Variants in SIAH2 observed in about 807,000 individuals in gnomAD.
SIAH2 encodes the protein siah E3 ubiquitin protein ligase 2, also known as E3 ubiquitin-protein ligase SIAH2.
Under a neutral mutation model 20.4 loss-of-function variants are expected in SIAH2, and 4 were observed. The observed-to-expected ratio is 0.20, with a 90% confidence interval of 0.10 to 0.45. The LOEUF is 0.45. Ranked by LOEUF, SIAH2 falls within the 20% of genes least tolerant of loss-of-function variation. The probability of loss-of-function intolerance (pLI) is 0.99; values close to 1 mark genes in which losing one functional copy is unlikely to be tolerated. For synonymous variants in SIAH2, 171 were observed against 192.5 expected (o/e 0.89, Z 0.93); for missense variants, 259 against 440.3 (o/e 0.59, Z 3.69).
intron 1 of SIAH2, among the ~76,000 whole-genome samples, chr3:150,756,772 A>T (rs1714494222): frequency 6.6e-6 from 1 of 152,220 alleles, no homozygotes; most frequent in Admixed American, 6.5e-5. Context: ...AAGGTGTATT[A>T]TCAATTTTGT....
At chr3:150,757,899 A>G (rs1339689259) in intron 1 of SIAH2, among the ~76,000 whole-genome samples, 1 of 151,970 alleles carries the variant, frequency 6.6e-6, no homozygotes, top group African/African-American at 2.4e-5. Context: ...CACATCCCCA[A>G]CCCCACCAAT....
chr3:150,742,264 A>T lies in SIAH2; in HGVS notation c.852T>A (p.His284Gln). The T allele has an allele frequency of 6.2e-7, 1 of 1,614,210 alleles. No homozygotes were observed. The highest frequency in any genetic ancestry group is 1.1e-5 in the South Asian group (1 of 91,080). ...LTWEATPRSI[H>Q]DGVAAAIMNS... is the part of the protein sequence containing the mutation. The stretch of plus-strand genomic sequence containing the variant: ...TCATGATGGCCGCAGCCACACCGTC[A>T]TGAATCGAACGGGGCGTGGCCTCCC... The change falls in exon 2 of 2, where the codon CAT becomes CAA. Residue 284 changes from histidine (H) to glutamine (Q), a missense_variant. Coordinates refer to ENST00000312960, the MANE Select transcript of SIAH2 (RefSeq NM_005067.7). The surrounding 1 kb of genome is among the most constrained non-coding windows in gnomAD (Gnocchi z 4.8).
rs540885589 is a variant in SIAH2 at position 150,762,714 on chromosome 3, A to T, written c.136T>A (p.Ser46Thr). Reference sequence around the variant, plus strand: ...ACCGCCGCCGCGGCGGGCACCGCGGACGAGCCGGGGCCCGCAGCCGAGATG... The same window carrying T: ...ACCGCCGCCGCGGCGGGCACCGCGGTCGAGCCGGGGCCCGCAGCCGAGATG... ...ATISAAGPGS[S>T]AVPAAAAVIS... Residue 46 changes from serine (S) to threonine (T), a missense_variant, in exon 1 of 2, where the codon TCC becomes ACC. By Grantham distance (58) the Ser-to-Thr change is moderately conservative. Around this residue, in one of 2 missense-constraint regions of SIAH2, gnomAD observed 99 missense variants for 112.7 expected, o/e 0.88. Transcript: ENST00000312960. The surrounding 1 kb of genome is among the most constrained non-coding windows in gnomAD (Gnocchi z 6.6). The T allele has an allele frequency of 2.5e-6, 3 of 1,219,780 alleles. No individual in the cohort carries two copies. In the South Asian group the frequency reaches 1.1e-4, roughly 46 times the overall value. The allele number at this position is 1,219,780 out of a possible 1,614,324, so 75.6% of individuals were successfully genotyped here.
At chr3:150,756,202 T>C (rs1244332326) in intron 1 of SIAH2, among the ~76,000 whole-genome samples, 1 of 152,234 alleles carries the variant, frequency 6.6e-6, no homozygotes, top group Non-Finnish European at 1.5e-5. Context: ...TCAGGAAGAC[T>C]TTCTTATTTT....
At chr3:150,745,730 C>T (rs376512649) in intron 1 of SIAH2, among the ~76,000 whole-genome samples, 1 of 152,068 alleles carries the variant, frequency 6.6e-6, no homozygotes, top group East Asian at 1.9e-4. Flanking sequence ...CTCCTGACCT[C>T]GTGATCCACC....
intron 1 of SIAH2, among the ~76,000 whole-genome samples, chr3:150,745,398 T>C (rs751263542): frequency 6.6e-6 from 1 of 152,110 alleles, no homozygotes; most frequent in Non-Finnish European, 1.5e-5. Context: ...AGGACTTTAG[T>C]AGTTTGTGAA....
chr3:150,760,980 C>A (rs113621235), intron 1 of SIAH2, among the ~76,000 whole-genome samples: 2,213 of 152,318 alleles, frequency 0.015, 67 homozygotes, highest in African/African-American at 0.05. Context: ...GCCTGAAACA[C>A]CCTAGTCCAA....
At position 150,759,693 on chromosome 3, in the gene SIAH2, G is replaced by GA. The variant is rs762193625; in HGVS notation, c.417+2739dup. On this transcript the variant is annotated intron_variant, in intron 1 of 1. Coordinates refer to ENST00000312960, the MANE Select transcript of SIAH2 (RefSeq NM_005067.7). ...TCTGTAGGCATGAGTTTCCTCATCT[G>GA]AAAAAAAAAAAAGGCAAACTAGTAA... Among the ~76,000 whole-genome samples, 465 of 140,536 alleles carry GA rather than the reference G, an allele frequency of 3.3e-3. 1 individual carries two copies. Among genetic ancestry groups the GA allele is most frequent in the Non-Finnish European group, 3.5e-3 (222 of 64,098 alleles). The allele number at this position is 140,536 out of a possible 152,430, so 92.2% of individuals were successfully genotyped here. A position where few individuals can be genotyped will look rare whatever the true frequency, so the allele number is the denominator to read the frequency against.
chr3:150,742,754 C>A lies in SIAH2; in HGVS notation c.418-56G>T, dbSNP rs1714122514. On this transcript the variant is annotated intron_variant, in intron 1 of 1. Coordinates refer to ENST00000312960, the MANE Select transcript of SIAH2 (RefSeq NM_005067.7). This position sits in a 1 kb window ranked among gnomAD's most constrained non-coding sequence, Gnocchi z 4.8. Reference sequence around the variant, plus strand: ...GGCCTTCTCAAAACTTCTATTGCTTCAACCCTCTATGAGTACTTAACTACT... The same window carrying A: ...GGCCTTCTCAAAACTTCTATTGCTTAAACCCTCTATGAGTACTTAACTACT... The A allele has an allele frequency of 9.7e-6, 14 of 1,437,624 alleles. No homozygotes were observed. The highest frequency in any genetic ancestry group is 1.4e-5 in the South Asian group (1 of 71,708). 89.1% of individuals were successfully genotyped at this position (1,437,624 alleles called of 1,614,324 possible). A position where few individuals can be genotyped will look rare whatever the true frequency, so the allele number is the denominator to read the frequency against.
At chr3:150,746,695 A>T (rs1012625228) in intron 1 of SIAH2, among the ~76,000 whole-genome samples, 10 of 152,220 alleles carry the variant, frequency 6.6e-5, no homozygotes, top group Non-Finnish European at 1.2e-4. Flanking sequence ...CCCAGTTGAG[A>T]ACCACTGACT....
At position 150,750,444 on chromosome 3, in the gene SIAH2, T is replaced by TA. The variant is rs869135767; in HGVS notation, c.418-7747dup. ...AAGTTTTACTGTGGGACTTAGAATT[T>TA]AAAAAAAAATCAATAGATTTTGAGA... On this transcript the variant is annotated intron_variant, in intron 1 of 1. Coordinates refer to ENST00000312960, the MANE Select transcript of SIAH2 (RefSeq NM_005067.7). Among the ~76,000 whole-genome samples, 105 of 151,912 alleles carry TA rather than the reference T, an allele frequency of 6.9e-4. 1 individual carries two copies. The highest frequency in any genetic ancestry group is 2.3e-3 in the East Asian group (12 of 5,184).
chr3:150,743,210 C>T (rs536033176), intron 1 of SIAH2, among the ~76,000 whole-genome samples: 29 of 152,364 alleles, frequency 1.9e-4, no homozygotes, highest in South Asian at 8.3e-4. Context: ...GCAGGCAGGC[C>T]GTGGGGAAGG....
At chr3:150,757,185 C>T (rs1021882498) in intron 1 of SIAH2, among the ~76,000 whole-genome samples, 20 of 152,008 alleles carry the variant, frequency 1.3e-4, no homozygotes, top group African/African-American at 4.8e-4. Context: ...GGACCAAAGT[C>T]ACACAAAGCC....
At chr3:150,758,417 T>C (rs1714530649) in intron 1 of SIAH2, among the ~76,000 whole-genome samples, 1 of 151,960 alleles carries the variant, frequency 6.6e-6, no homozygotes, top group Non-Finnish European at 1.5e-5. Flanking sequence ...TATGAATGTG[T>C]CAACCTTCAC....
Position 150,762,005 on chromosome 3 carries a change from A to G in SIAH2, c.417+428T>C, listed in dbSNP as rs1340114980. The G allele has an allele frequency of 5.0e-6, 1 of 199,210 alleles. No homozygotes were observed. The highest frequency in any genetic ancestry group is 1.0e-5 in the Non-Finnish European group (1 of 96,580). 12.3% of individuals were successfully genotyped at this position (199,210 alleles called of 1,614,324 possible). Reference sequence around the variant, plus strand: ...GGTAGGCGCGGGGTGCAGGACTCCAATTATCAATTCAGCCGAGCCCAGCGC... The same window carrying G: ...GGTAGGCGCGGGGTGCAGGACTCCAGTTATCAATTCAGCCGAGCCCAGCGC... On this transcript the variant is annotated intron_variant, in intron 1 of 1. Coordinates refer to ENST00000312960, the MANE Select transcript of SIAH2 (RefSeq NM_005067.7). This position sits in a 1 kb window ranked among gnomAD's most constrained non-coding sequence, Gnocchi z 6.6.
Position 150,747,016 on chromosome 3 carries a change from A to G in SIAH2, c.418-4318T>C, listed in dbSNP as rs56396214. On this transcript the variant is annotated intron_variant, in intron 1 of 1. Transcript: ENST00000312960. ...TCATTTGTGGCTTCACAAGGAGCAG[A>G]GCCCTGCATTCCCAGGCTGCCCCGC... Among the ~76,000 whole-genome samples, 1,416 of 152,368 alleles carry G rather than the reference A, an allele frequency of 9.3e-3. 9 individuals carry two copies. The highest frequency in any genetic ancestry group is 0.014 in the Non-Finnish European group (953 of 68,040).
chr3:150,750,998 C>T (rs145895401), intron 1 of SIAH2, among the ~76,000 whole-genome samples: 3 of 152,252 alleles, frequency 2.0e-5, no homozygotes, highest in Non-Finnish European at 4.4e-5. Flanking sequence ...GCTTGGGAAA[C>T]AGGAGAAAGT....
chr3:150,761,486 C>T (rs1277930899), intron 1 of SIAH2, among the ~76,000 whole-genome samples: 2 of 152,152 alleles, frequency 1.3e-5, no homozygotes, highest in Non-Finnish European at 1.5e-5. Flanking sequence ...GTTGCAGATG[C>T]CATTTTTGGA....
chr3:150,758,570 T>G (rs1714534967), intron 1 of SIAH2, among the ~76,000 whole-genome samples: 1 of 105,842 alleles, frequency 9.4e-6, no homozygotes, highest in Non-Finnish European at 1.8e-5. Flanking sequence ...AGACATTCCA[T>G]TTTTTTTTTT....
Sources: allele counts gnomAD v4.1 joint callset (sites outside exome capture counted in the v4.1 genomes callset), GRCh38; gene constraint gnomAD v4.1.1; regional missense constraint gnomAD v4.1.1; non-coding constraint Gnocchi (gnomAD v3.1); transcripts MANE v1.5; gene names NCBI Gene and HGNC (gene_info 2026-07-23, HGNC 2026-07-21).